ANOS1: variants seen among roughly 807,000 people sequenced by gnomAD.
The protein encoded by ANOS1 is anosmin-1.
In ANOS1, 6 loss-of-function variants were observed where a neutral mutation model predicts 59.0. That is an observed-to-expected ratio of 0.10 (90% CI 0.06 to 0.20). The LOEUF is 0.20. Ranked by LOEUF, ANOS1 falls within the 10% of genes least tolerant of loss-of-function variation. The pLI, the probability that ANOS1 is intolerant of heterozygous loss-of-function variation, is 1.00. For synonymous variants in ANOS1, 217 were observed against 223.4 expected (o/e 0.97, Z 0.25); for missense variants, 433 against 542.3 (o/e 0.80, Z 2.00).
intron 1 of ANOS1, among the ~76,000 whole-genome samples, chrX:8,726,011 C>A (rs960927374): frequency 9.1e-6 from 1 of 110,086 alleles, no homozygotes; most frequent in African/African-American, 3.3e-5. Context: ...CAAACTGCAT[C>A]GAGTCGTGGT....
intron 4 of ANOS1, among the ~76,000 whole-genome samples, chrX:8,590,122 C>A (rs1479163712): frequency 9.0e-6 from 1 of 111,449 alleles, no homozygotes; most frequent in Non-Finnish European, 1.9e-5. Context: ...TTCTCTCCTT[C>A]AGTTTCCCAA....
At chrX:8,667,868 G>A (rs1180430613) in intron 2 of ANOS1, among the ~76,000 whole-genome samples, 1 of 110,768 alleles carries the variant, frequency 9.0e-6, no homozygotes, top group Non-Finnish European at 1.9e-5. Context: ...CTGAGAGCAT[G>A]AATTGTAGAG....
At chrX:8,567,027 C>T (rs781178482) in intron 8 of ANOS1, among the ~76,000 whole-genome samples, 3 of 111,838 alleles carry the variant, frequency 2.7e-5, no homozygotes, top group South Asian at 3.7e-4. Flanking sequence ...GGAGCCCCTG[C>T]GACAAACGCC....
At chrX:8,691,075 CT>C (rs200551447) in intron 2 of ANOS1, among the ~76,000 whole-genome samples, 4,503 of 96,065 alleles carry the variant, frequency 0.047, 281 homozygotes, top group African/African-American at 0.16. Context: ...AAGGAGAAAT[CT>C]TTTTTTTTTT....
intron 6 of ANOS1, among the ~76,000 whole-genome samples, chrX:8,581,125 C>A (rs1930413434): frequency 9.1e-6 from 1 of 110,187 alleles, no homozygotes; most frequent in South Asian, 3.8e-4. Context: ...GTGTCCCCAC[C>A]GAAATCTCAA....
chrX:8,671,051 C>T (rs185882627), intron 2 of ANOS1, among the ~76,000 whole-genome samples: 1 of 111,678 alleles, frequency 9.0e-6, no homozygotes, highest in East Asian at 2.8e-4. Context: ...GTTTTGGAAC[C>T]AGACTCCCGC....
Position 8,680,849 on chromosome X carries a change from T to C in ANOS1, c.255+18849A>G, listed in dbSNP as rs182101411. ...AAGGATTATTTTGAGCTGAGAGCAA[T>C]TGAGAAGCAGTAGATGCAGGAAGAA... On this transcript the variant is annotated intron_variant, in intron 2 of 13. Coordinates refer to ENST00000262648, the MANE Select transcript of ANOS1 (RefSeq NM_000216.4). Among the ~76,000 whole-genome samples the C allele has an allele frequency of 1.3e-3, 151 of 112,004 alleles. 1 individual carries two copies. The Admixed American group carries it at 0.014, about 10-fold the overall frequency.
At chrX:8,535,918 A>G in intron 11 of ANOS1, 107 bp from the exon 12 acceptor site, 5 of 607,263 alleles carry the variant, frequency 8.2e-6, no homozygotes, top group Non-Finnish European at 1.4e-5. Flanking sequence ...TGATATTAAT[A>G]GAAGCAATGT....
intron 6 of ANOS1, among the ~76,000 whole-genome samples, chrX:8,581,327 A>T (rs995908061): frequency 1.8e-5 from 2 of 111,240 alleles, no homozygotes; most frequent in Admixed American, 9.6e-5. Flanking sequence ...ATGTAAGAAG[A>T]GTCTTTTGCC....
chrX:8,650,167 G>A (rs1202577915), intron 2 of ANOS1, among the ~76,000 whole-genome samples: 1 of 112,238 alleles, frequency 8.9e-6, no homozygotes, highest in Non-Finnish European at 1.9e-5. Context: ...GGCATTTCCA[G>A]GCAACTGCAG....
chrX:8,632,363 C>T (rs747963846), intron 2 of ANOS1, among the ~76,000 whole-genome samples: 6 of 112,483 alleles, frequency 5.3e-5, no homozygotes, highest in Non-Finnish European at 1.1e-4. Context: ...AAGGTGTCTA[C>T]ACATAGTAGG....
Position 8,678,072 on chromosome X carries a change from G to A in ANOS1, c.255+21626C>T, listed in dbSNP as rs187762618. On this transcript the variant is annotated intron_variant, in intron 2 of 13. Transcript: ENST00000262648. ...ACAAGCAGCAGGAATGACCTGACCCGCAAGCTCTCCACAGACCTGCGCTGA... is the reference window on the plus strand; with the variant it reads ...ACAAGCAGCAGGAATGACCTGACCCACAAGCTCTCCACAGACCTGCGCTGA... Among the ~76,000 whole-genome samples, 30 of 112,217 alleles carry A rather than the reference G, an allele frequency of 2.7e-4. No individual in the cohort carries two copies. The Admixed American group carries it at 2.8e-3, about 11-fold the overall frequency.
intron 7 of ANOS1, among the ~76,000 whole-genome samples, chrX:8,569,503 G>A (rs1930185720): frequency 9.0e-6 from 1 of 111,486 alleles, no homozygotes; most frequent in Non-Finnish European, 1.9e-5. Flanking sequence ...TTAGCTGGGT[G>A]TGGTGGCGGG....
chrX:8,532,398 G>C lies in ANOS1; in HGVS notation c.*597C>G. ...ATAGAGGGAACTTTGATTTACCTTT[G>C]CATAAAGAGCAGCACAAGGTACTTA... On this transcript the variant is annotated 3_prime_UTR_variant, in exon 14 of 14. Transcript: ENST00000262648. The C allele has an allele frequency of 9.0e-6, 1 of 111,228 alleles. No individual in the cohort carries two copies. The highest frequency in any genetic ancestry group is 1.9e-5 in the Non-Finnish European group (1 of 53,072). 9.2% of individuals were successfully genotyped at this position (111,228 alleles called of 1,213,427 possible).
chrX:8,616,540 C>A (rs1368043494), intron 3 of ANOS1, among the ~76,000 whole-genome samples: 1 of 111,637 alleles, frequency 9.0e-6, no homozygotes, highest in Non-Finnish European at 1.9e-5. Flanking sequence ...ACATCTCATA[C>A]GGATTTCCAT....
intron 1 of ANOS1, among the ~76,000 whole-genome samples, chrX:8,709,161 T>C (rs559962132): frequency 1.8e-5 from 2 of 109,291 alleles, no homozygotes; most frequent in Admixed American, 2.0e-4. Context: ...ATACCTAATA[T>C]AGATAGATGA....
intron 3 of ANOS1, among the ~76,000 whole-genome samples, chrX:8,598,928 G>A (rs1296661365): frequency 8.9e-6 from 1 of 111,755 alleles, no homozygotes; most frequent in Non-Finnish European, 1.9e-5. Flanking sequence ...TGCCACTGTG[G>A]ACCGAGGCTT....
intron 2 of ANOS1, among the ~76,000 whole-genome samples, chrX:8,631,378 G>A (rs1931484733): frequency 8.9e-6 from 1 of 111,749 alleles, no homozygotes; most frequent in African/African-American, 3.3e-5. Flanking sequence ...TGCCTTCAAG[G>A]ACCTTAAGTC....
chrX:8,648,458 C>CAAAAAAA (rs765958124), intron 2 of ANOS1, among the ~76,000 whole-genome samples: 1 of 48,660 alleles, frequency 2.1e-5, no homozygotes, highest in African/African-American at 5.8e-5. Flanking sequence ...AAAATTCCGT[C>CAAAAAAA]AAAAAAAAAA....
Sources: gnomAD v4.1 joint callset for allele counts (sites outside exome capture counted in the v4.1 genomes callset) on GRCh38, gnomAD v4.1.1 for gene constraint, MANE v1.5 for transcripts, NCBI Gene and HGNC (gene_info 2026-07-23, HGNC 2026-07-21) for gene names.